PBX1: variants seen among roughly 807,000 people sequenced by gnomAD.
PBX1 encodes pre-B-cell leukemia transcription factor 1.
Under a neutral mutation model 53.4 loss-of-function variants are expected in PBX1, and 6 were observed. The observed-to-expected ratio is 0.11, with a 90% CI of 0.06 to 0.22. The LOEUF is 0.22. Among genes scored for constraint, PBX1 ranks in the 10% least tolerant of loss-of-function variants. The pLI is 1.00. For missense variants in PBX1, 251 were observed against 551.4 expected (o/e 0.46, Z 5.46); for synonymous variants, 204 against 212.3 (o/e 0.96, Z 0.34).
At chr1:164,820,770 A>T (rs16835201) in intron 7 of PBX1, among the ~76,000 whole-genome samples, 1 of 152,216 alleles carries the variant, frequency 6.6e-6, no homozygotes, top group Non-Finnish European at 1.5e-5. Flanking sequence ...TTAGTGTTCC[A>T]TAGTAAGCAG....
At chr1:164,708,276 G>T (rs911869031) in intron 2 of PBX1, among the ~76,000 whole-genome samples, 1 of 152,190 alleles carries the variant, frequency 6.6e-6, no homozygotes, top group East Asian at 1.9e-4. Context: ...GTAAGGGGCA[G>T]ATAGAGATGA....
chr1:164,598,432 G>A (rs1016463958), intron 2 of PBX1, among the ~76,000 whole-genome samples: 10 of 152,148 alleles, frequency 6.6e-5, no homozygotes, highest in African/African-American at 2.4e-4. Flanking sequence ...GTCTTCCATT[G>A]TCTTAGGGCT....
intron 8 of PBX1, among the ~76,000 whole-genome samples, chr1:164,823,615 G>T (rs1272845319): frequency 2.2e-5 from 3 of 136,968 alleles, no homozygotes; most frequent in African/African-American, 5.5e-5. Flanking sequence ...GACTCTGGGG[G>T]GTGGGGGGGG....
intron 2 of PBX1, chr1:164,674,847 G>GCCCCCCCCCCCCCCCCCCCCC (rs78130048): frequency 2.5e-5 from 1 of 40,616 alleles, no homozygotes; most frequent in Non-Finnish European, 6.2e-5. Flanking sequence ...AGAAATCACA[G>GCCCCCCCCCCCCCCCCCCCCC]CCCCCCCCCC....
chr1:164,677,926 A>G (rs1661532684), intron 2 of PBX1, among the ~76,000 whole-genome samples: 1 of 152,180 alleles, frequency 6.6e-6, no homozygotes, highest in Non-Finnish European at 1.5e-5. Flanking sequence ...TAGGTAATTC[A>G]CATATATTTT....
intron 2 of PBX1, among the ~76,000 whole-genome samples, chr1:164,728,610 G>A (rs1332226688): frequency 6.6e-6 from 1 of 152,106 alleles, no homozygotes; most frequent in Non-Finnish European, 1.5e-5. Flanking sequence ...TAATGAAATT[G>A]GAAGAAATGC....
At chr1:164,587,124 A>G (rs931876670) in intron 2 of PBX1, among the ~76,000 whole-genome samples, 3 of 152,204 alleles carry the variant, frequency 2.0e-5, no homozygotes, top group Admixed American at 2.0e-4. Flanking sequence ...CCGGTTTTAC[A>G]TAACTGGGAT....
At chr1:164,837,039 TG>T (rs2102402744) in intron 8 of PBX1, among the ~76,000 whole-genome samples, 1 of 152,280 alleles carries the variant, frequency 6.6e-6, no homozygotes, top group African/African-American at 2.4e-5. Flanking sequence ...TCTGATAATC[TG>T]GGGTAATTGC....
intron 2 of PBX1, among the ~76,000 whole-genome samples, chr1:164,669,579 T>C (rs1661005207): frequency 1.3e-5 from 2 of 152,162 alleles, no homozygotes; most frequent in African/African-American, 4.8e-5. Context: ...AATAGTCCTC[T>C]CCAGAAGTAG....
intron 2 of PBX1, among the ~76,000 whole-genome samples, chr1:164,759,141 A>G (rs1241177991): frequency 6.6e-6 from 1 of 152,206 alleles, no homozygotes; most frequent in Non-Finnish European, 1.5e-5. Context: ...TACTTAATAT[A>G]GTTTATCCTA....
chr1:164,687,118 G>T (rs1014142334), intron 2 of PBX1, among the ~76,000 whole-genome samples: 2 of 152,180 alleles, frequency 1.3e-5, no homozygotes, highest in African/African-American at 4.8e-5. Flanking sequence ...TAGTTCTGGA[G>T]CATGGTCCTC....
At chr1:164,654,921 T>C (rs1013515573) in intron 2 of PBX1, among the ~76,000 whole-genome samples, 11 of 152,118 alleles carry the variant, frequency 7.2e-5, no homozygotes, top group African/African-American at 1.4e-4. Flanking sequence ...GTGATCTGTA[T>C]TATCACAGAG....
intron 2 of PBX1, among the ~76,000 whole-genome samples, chr1:164,569,620 G>A (rs924970133): frequency 8.6e-6 from 1 of 116,692 alleles, no homozygotes; most frequent in African/African-American, 3.2e-5. Context: ...CTCCCAGGTT[G>A]GAGTGCAGTG....
chr1:164,688,147 G>A (rs745815162), intron 2 of PBX1, among the ~76,000 whole-genome samples: 4 of 151,992 alleles, frequency 2.6e-5, no homozygotes, highest in East Asian at 1.9e-4. Context: ...TCTTTTCATC[G>A]TCATTTTCTC....
chr1:164,640,057 G>A (rs538150324), intron 2 of PBX1, among the ~76,000 whole-genome samples: 36 of 152,060 alleles, frequency 2.4e-4, no homozygotes, highest in Admixed American at 1.2e-3. Context: ...GTAGAAAGCC[G>A]CCAAGGAGTC....
chr1:164,590,290 A>G (rs1056084819), intron 2 of PBX1: 3 of 452,898 alleles, frequency 6.6e-6, no homozygotes, highest in Admixed American at 4.7e-5. Flanking sequence ...GAGGAGCCAA[A>G]AGGGGAACAC....
At chr1:164,753,425 G>T (rs1666333054) in intron 2 of PBX1, among the ~76,000 whole-genome samples, 1 of 152,086 alleles carries the variant, frequency 6.6e-6, no homozygotes. Flanking sequence ...TTTGTCTTTT[G>T]TTTGGGTTTT....
At chr1:164,663,144 G>A in intron 2 of PBX1, among the ~76,000 whole-genome samples, 1 of 149,856 alleles carries the variant, frequency 6.7e-6, no homozygotes, top group East Asian at 2.0e-4. Context: ...CTACCTTTCT[G>A]CCTGCCTTCT....
At chr1:164,692,990 C>T (rs1662580939) in intron 2 of PBX1, among the ~76,000 whole-genome samples, 1 of 152,158 alleles carries the variant, frequency 6.6e-6, no homozygotes, top group Non-Finnish European at 1.5e-5. Context: ...GAACATTGTC[C>T]CAACTGTGCT....
Sources: gnomAD v4.1 joint callset for allele counts (sites outside exome capture counted in the v4.1 genomes callset) on GRCh38, gnomAD v4.1.1 for gene constraint, MANE v1.5 for transcripts, NCBI Gene and HGNC (gene_info 2026-07-23, HGNC 2026-07-21) for gene names.